CHN1: variants seen among roughly 807,000 people sequenced by gnomAD.
CHN1 encodes the protein N-chimaerin.
In CHN1, 37 loss-of-function variants were observed where a neutral mutation model predicts 59.5. The ratio of observed to expected loss-of-function variants is 0.62; its 90% CI spans 0.48 to 0.82. The LOEUF is 0.82. Among genes scored for constraint, CHN1 ranks in the 40% least tolerant of loss-of-function variants. CHN1 has a pLI of 0.00. For synonymous variants in CHN1, 206 were observed against 200.4 expected (o/e 1.03, Z -0.24); for missense variants, 469 against 571.0 (o/e 0.82, Z 1.82).
intron 1 of CHN1, among the ~76,000 whole-genome samples, chr2:174,967,632 TAAGTAC>T (rs1326848719): frequency 6.6e-6 from 1 of 152,232 alleles, no homozygotes; most frequent in Non-Finnish European, 1.5e-5. Flanking sequence ...TTACTTTTTA[TAAGTAC>T]AAGTTCTGGA....
intron 5 of CHN1, among the ~76,000 whole-genome samples, chr2:174,890,543 G>A (rs566877176): frequency 4.3e-4 from 65 of 151,830 alleles, no homozygotes; most frequent in Middle Eastern, 3.4e-3. Context: ...AGAAGAAGAA[G>A]AAAAAATATA....
At chr2:174,826,288 C>A (rs1372937463) in intron 7 of CHN1, among the ~76,000 whole-genome samples, 1 of 152,158 alleles carries the variant, frequency 6.6e-6, no homozygotes, top group Non-Finnish European at 1.5e-5. Flanking sequence ...TCTGTAATGT[C>A]CCTGTGTTCT....
intron 1 of CHN1, among the ~76,000 whole-genome samples, chr2:174,985,567 A>G (rs1463023392): frequency 6.6e-6 from 1 of 152,228 alleles, no homozygotes; most frequent in East Asian, 1.9e-4. Flanking sequence ...GAAATGAGAC[A>G]TATAGACTAC....
chr2:174,936,741 T>G (rs972383717), intron 3 of CHN1, among the ~76,000 whole-genome samples: 2 of 152,156 alleles, frequency 1.3e-5, no homozygotes, highest in Non-Finnish European at 2.9e-5. Context: ...CAGGGGTAAT[T>G]CTGACTATAT....
intron 3 of CHN1, among the ~76,000 whole-genome samples, chr2:174,927,966 A>C (rs1205865423): frequency 6.6e-6 from 1 of 152,224 alleles, no homozygotes. Flanking sequence ...ATTATACGTT[A>C]AAAAATAAGT....
intron 3 of CHN1, among the ~76,000 whole-genome samples, chr2:174,922,146 G>C (rs954383387): frequency 1.4e-4 from 21 of 152,192 alleles, no homozygotes; most frequent in Admixed American, 1.3e-4. Flanking sequence ...ACAGAGCTTA[G>C]AGTGGGGTCA....
At chr2:174,988,865 A>G (rs1691442588) in intron 1 of CHN1, among the ~76,000 whole-genome samples, 1 of 152,240 alleles carries the variant, frequency 6.6e-6, no homozygotes, top group Non-Finnish European at 1.5e-5. Context: ...TTAAAGTATT[A>G]GACTTTATTT....
At chr2:174,954,429 C>T (rs1690123305) in intron 1 of CHN1, among the ~76,000 whole-genome samples, 1 of 152,064 alleles carries the variant, frequency 6.6e-6, no homozygotes, top group Non-Finnish European at 1.5e-5. Context: ...GGAACAAAAG[C>T]AAAGATAAAT....
At chr2:174,851,672 C>T (rs535131176) in intron 6 of CHN1, among the ~76,000 whole-genome samples, 1 of 152,296 alleles carries the variant, frequency 6.6e-6, no homozygotes, top group East Asian at 1.9e-4. Flanking sequence ...ATTCCACAAT[C>T]CTCTGTTTCT....
intron 6 of CHN1, among the ~76,000 whole-genome samples, chr2:174,853,655 A>G (rs1274244637): frequency 6.6e-6 from 1 of 152,230 alleles, no homozygotes; most frequent in Non-Finnish European, 1.5e-5. Context: ...TTCCATGTTC[A>G]TCACAACACT....
chr2:174,966,061 T>C (rs895865348), intron 1 of CHN1, among the ~76,000 whole-genome samples: 1 of 152,166 alleles, frequency 6.6e-6, no homozygotes, highest in African/African-American at 2.4e-5. Flanking sequence ...TCTAGGTATC[T>C]CACATCCTGA....
intron 1 of CHN1, among the ~76,000 whole-genome samples, chr2:175,001,396 C>G (rs541168654): frequency 6.6e-6 from 1 of 152,284 alleles, no homozygotes; most frequent in East Asian, 1.9e-4. Flanking sequence ...CTAACTACAT[C>G]ACAAAGAATA....
At chr2:174,985,845 A>G (rs979461225) in intron 1 of CHN1, among the ~76,000 whole-genome samples, 4 of 152,220 alleles carry the variant, frequency 2.6e-5, no homozygotes, top group Admixed American at 1.3e-4. Context: ...CTGCATTTCC[A>G]TAAGTTAAGG....
chr2:174,800,008 T>G lies in CHN1; in HGVS notation c.*108A>C. ...AAGTTCCTTCACTTTAATCTGGTTA[T>G]ATGCCCAAACCTCTAATCAAGAAAT... On this transcript the variant is annotated 3_prime_UTR_variant, in exon 13 of 13. Coordinates refer to ENST00000409900, the MANE Select transcript of CHN1 (RefSeq NM_001822.7). The G allele has an allele frequency of 6.5e-6, 7 of 1,069,078 alleles. No homozygotes were observed. The highest frequency in any genetic ancestry group is 9.7e-6 in the Non-Finnish European group (7 of 720,140). The allele number at this position is 1,069,078 out of a possible 1,614,324, so 66.2% of individuals were successfully genotyped here. A position where few individuals can be genotyped will look rare whatever the true frequency, so the allele number is the denominator to read the frequency against.
chr2:174,861,355 C>G (rs776923133), intron 6 of CHN1, among the ~76,000 whole-genome samples: 6 of 152,180 alleles, frequency 3.9e-5, no homozygotes, highest in Non-Finnish European at 8.8e-5. Context: ...CTGTTATCAT[C>G]ATTAGCATCA....
chr2:174,870,517 C>T (rs963818335), intron 6 of CHN1, among the ~76,000 whole-genome samples: 5 of 152,116 alleles, frequency 3.3e-5, no homozygotes, highest in African/African-American at 9.7e-5. Flanking sequence ...TGGAGCAAAA[C>T]GCATAAGATG....
intron 8 of CHN1, among the ~76,000 whole-genome samples, chr2:174,812,830 GTTTA>G (rs1243904825): frequency 1.3e-5 from 2 of 152,138 alleles, no homozygotes; most frequent in East Asian, 3.8e-4. Flanking sequence ...TACATAAAAT[GTTTA>G]TTTAATGTGG....
chr2:174,945,931 GTATA>G (rs869242436), intron 2 of CHN1, among the ~76,000 whole-genome samples: 7 of 149,110 alleles, frequency 4.7e-5, no homozygotes, highest in Non-Finnish European at 8.9e-5. Flanking sequence ...GTGTGTGTGT[GTATA>G]TATATATAAA....
chr2:174,963,835 C>T (rs1392544138), intron 1 of CHN1, among the ~76,000 whole-genome samples: 2 of 152,098 alleles, frequency 1.3e-5, no homozygotes, highest in Admixed American at 1.3e-4. Context: ...CTCACAAGAG[C>T]ACAAAGTAAG....
Sources: allele counts gnomAD v4.1 joint callset (sites outside exome capture counted in the v4.1 genomes callset), GRCh38; gene constraint gnomAD v4.1.1; transcripts MANE v1.5; gene names NCBI Gene and HGNC (gene_info 2026-07-23, HGNC 2026-07-21).